CFAP44: variants seen among roughly 807,000 people sequenced by gnomAD.
The protein encoded by CFAP44 is cilia and flagella associated protein 44.
Under a neutral mutation model 216.2 loss-of-function variants are expected in CFAP44, and 134 were observed. The ratio of observed to expected loss-of-function variants is 0.62; its 90% CI spans 0.54 to 0.72. The LOEUF is 0.72. CFAP44 is among the 30% of genes least tolerant of loss of function. CFAP44 has a pLI of 0.00. For synonymous variants in CFAP44, 700 were observed against 727.6 expected (o/e 0.96, Z 0.61); for missense variants, 2,035 against 2,182.1 (o/e 0.93, Z 1.34).
At chr3:113,307,577 C>T (rs1311076563) in intron 29 of CFAP44, among the ~76,000 whole-genome samples, 1 of 152,200 alleles carries the variant, frequency 6.6e-6, no homozygotes, top group Non-Finnish European at 1.5e-5. Context: ...AGACTATAAG[C>T]TCCATGAGGA....
intron 22 of CFAP44, among the ~76,000 whole-genome samples, chr3:113,355,785 CA>C (rs1050953079): frequency 4.0e-5 from 6 of 150,062 alleles, no homozygotes; most frequent in East Asian, 2.0e-4. Context: ...AAAAAAGTTA[CA>C]AAAAAAATTT....
chr3:113,295,959 T>C (rs1011219606), intron 33 of CFAP44, among the ~76,000 whole-genome samples: 16 of 152,310 alleles, frequency 1.1e-4, no homozygotes, highest in African/African-American at 3.4e-4. Flanking sequence ...GACTTGGATA[T>C]ACTGTGTAAT....
intron 33 of CFAP44, among the ~76,000 whole-genome samples, chr3:113,296,008 G>C (rs762690894): frequency 6.6e-6 from 1 of 152,176 alleles, no homozygotes; most frequent in South Asian, 2.1e-4. Context: ...TCACCAGATA[G>C]CAAACGTTGT....
intron 22 of CFAP44, among the ~76,000 whole-genome samples, chr3:113,352,160 C>T (rs532089998): frequency 1.2e-4 from 18 of 152,282 alleles, no homozygotes; most frequent in East Asian, 3.9e-4. Context: ...CACCAATCAG[C>T]GCTCTGTGTC....
At chr3:113,322,922 C>G (rs559358821) in intron 28 of CFAP44, among the ~76,000 whole-genome samples, 3 of 152,324 alleles carry the variant, frequency 2.0e-5, no homozygotes, top group South Asian at 4.1e-4. Context: ...CTTAAAATCA[C>G]AGTAGAAAGG....
intron 4 of CFAP44, among the ~76,000 whole-genome samples, chr3:113,420,410 A>C (rs1215378300): frequency 6.6e-5 from 10 of 152,214 alleles, no homozygotes; most frequent in Admixed American, 5.9e-4. Flanking sequence ...ATAAATAAAT[A>C]AATCAGGTGA....
At chr3:113,295,996 C>T (rs1949876139) in intron 33 of CFAP44, among the ~76,000 whole-genome samples, 1 of 152,180 alleles carries the variant, frequency 6.6e-6, no homozygotes, top group Admixed American at 6.5e-5. Flanking sequence ...CTAGCAGACC[C>T]ATCACCAGAT....
At chr3:113,438,457 C>T (rs1422863319) in intron 1 of CFAP44, among the ~76,000 whole-genome samples, 2 of 152,124 alleles carry the variant, frequency 1.3e-5, no homozygotes, top group Non-Finnish European at 2.9e-5. Flanking sequence ...TCAGTACTTC[C>T]ATCTTTAAAA....
chr3:113,298,731 G>A (rs79076587), intron 32 of CFAP44, among the ~76,000 whole-genome samples: 4,374 of 152,320 alleles, frequency 0.029, 110 homozygotes, highest in East Asian at 0.099. Context: ...GAATAAGCCA[G>A]TCACAAAAAG....
At chr3:113,422,431 C>G (rs1934841885) in intron 4 of CFAP44, among the ~76,000 whole-genome samples, 1 of 151,982 alleles carries the variant, frequency 6.6e-6, no homozygotes, top group African/African-American at 2.4e-5. Flanking sequence ...AAATTATAAC[C>G]AACCACAAGC....
intron 34 of CFAP44, among the ~76,000 whole-genome samples, chr3:113,293,292 A>C (rs746194275): frequency 6.6e-6 from 1 of 152,190 alleles, no homozygotes; most frequent in Non-Finnish European, 1.5e-5. Context: ...ACTATATCCC[A>C]ATTCCTGCCT....
rs58650082 is a variant in CFAP44, at chr3:113,328,696, TAAAAAAAAAAAAAAAAAA to T, written c.4117-895_4117-878del. Among the ~76,000 whole-genome samples, 13 of 28,534 alleles carry T rather than the reference TAAAAAAAAAAAAAAAAAA, an allele frequency of 4.6e-4. No individual in the cohort carries two copies. In the South Asian group the frequency reaches 0.013, roughly 29 times the overall value. The allele number at this position is 28,534 out of a possible 152,430, so 18.7% of individuals were successfully genotyped here. Reference sequence around the variant, plus strand: ...AACTACCAGAGAAATTTAGAGAGCTTAAAAAAAAAAAAAAAAAAAAAAAAAAAAAAAACAGAGAGAGAA... The same window carrying T: ...AACTACCAGAGAAATTTAGAGAGCTTAAAAAAAAAAAAAACAGAGAGAGAA... On this transcript the variant is annotated intron_variant, in intron 26 of 34. Coordinates refer to ENST00000393845, the MANE Select transcript of CFAP44 (RefSeq NM_001164496.2).
At chr3:113,309,037 T>C (rs1950013084) in intron 28 of CFAP44, among the ~76,000 whole-genome samples, 1 of 152,246 alleles carries the variant, frequency 6.6e-6, no homozygotes, top group Non-Finnish European at 1.5e-5. Flanking sequence ...TACCAGAACT[T>C]GCTAGTGGTA....
rs1576536705 is a variant in CFAP44 at position 113,302,138 on chromosome 3, G to A, written c.5077+1778C>T. 2.6e-5 allele frequency among the ~76,000 whole-genome samples: 4 copies of A among 152,090 alleles called. No individual in the cohort carries two copies. The South Asian group carries it at 8.3e-4, about 32-fold the overall frequency. ...TTAAGGCTGAATAGTATTTCATTGT[G>A]TACATATACCACATTTTCTTTAGCC... is the stretch of plus-strand genomic sequence containing the variant. On this transcript the variant is annotated intron_variant, in intron 32 of 34. Transcript: ENST00000393845.
intron 15 of CFAP44, among the ~76,000 whole-genome samples, chr3:113,389,971 G>A (rs914136991): frequency 5.9e-5 from 9 of 152,014 alleles, no homozygotes; most frequent in Non-Finnish European, 1.3e-4. Context: ...AAAATGAGGA[G>A]AAGGGAATAC....
At position 113,381,046 on chromosome 3, in the gene CFAP44, T is replaced by C. The variant is rs149812284; in HGVS notation, c.1905A>G (p.Leu635=). The change falls in exon 16 of 35, where the codon TTA becomes TTG. Residue 635 remains leucine, a synonymous_variant. Coordinates refer to ENST00000393845, the MANE Select transcript of CFAP44 (RefSeq NM_001164496.2). ...WSPMSHPEST[L]LIICENGYIL... is the part of the protein sequence containing the mutation. ...TATAGCCATTTTCACAGATAATTAG[T>C]AAAGTACTTTCAGGCTAAAAAAGAA... 1 of 1,568,142 alleles carries C rather than the reference T, an allele frequency of 6.4e-7. No homozygotes were observed. The highest frequency in any genetic ancestry group is 8.6e-7 in the Non-Finnish European group (1 of 1,161,746).
intron 23 of CFAP44, among the ~76,000 whole-genome samples, chr3:113,344,014 T>A (rs75278329): frequency 0.02 from 3,060 of 152,318 alleles, 54 homozygotes; most frequent in Non-Finnish European, 0.029. Flanking sequence ...GTTGCAGGGA[T>A]TAGAGGTACT....
At chr3:113,322,858 T>C (rs7635203) in intron 28 of CFAP44, among the ~76,000 whole-genome samples, 10,367 of 152,232 alleles carry the variant, frequency 0.068, 525 homozygotes, top group African/African-American at 0.13. Flanking sequence ...AATTTATAAA[T>C]GAAAGAGGTT....
At chr3:113,382,271 T>C (rs1311899770) in intron 15 of CFAP44, among the ~76,000 whole-genome samples, 1 of 152,084 alleles carries the variant, frequency 6.6e-6, no homozygotes, top group African/African-American at 2.4e-5. Context: ...GAAAGCGAGA[T>C]GGTATTTCAA....
Sources: allele counts gnomAD v4.1 joint callset (sites outside exome capture counted in the v4.1 genomes callset), GRCh38; gene constraint gnomAD v4.1.1; transcripts MANE v1.5; gene names NCBI Gene and HGNC (gene_info 2026-07-23, HGNC 2026-07-21).